SGIP1: variants seen among roughly 807,000 people sequenced by gnomAD.
SGIP1 encodes SH3GL interacting endocytic adaptor 1.
SGIP1 carries 38 observed loss-of-function variants against 107.5 expected under a neutral mutation model. That is an observed-to-expected ratio of 0.35 (90% confidence interval 0.27 to 0.46). The LOEUF (loss-of-function observed/expected upper bound fraction) is 0.46. Ranked by LOEUF, SGIP1 falls within the 20% of genes least tolerant of loss-of-function variation. The pLI, the probability that SGIP1 is intolerant of heterozygous loss-of-function variation, is 1.00. For missense variants in SGIP1, 929 were observed against 1,019.5 expected, an observed-to-expected ratio of 0.91 and a Z score of 1.21; for synonymous variants, 365 against 366.1, an observed-to-expected ratio of 1.00 and a Z score of 0.03.
At chr1:66,588,535 A>G (rs2063015051) in intron 1 of SGIP1, among the ~76,000 whole-genome samples, 1 of 152,104 alleles carries the variant, frequency 6.6e-6, no homozygotes, top group South Asian at 2.1e-4. Flanking sequence ...TCAGTCTAAT[A>G]TAGTCAGTCT....
chr1:66,643,464 C>T lies in SGIP1; in HGVS notation c.284-80C>T, dbSNP rs558885542. The stretch of plus-strand genomic sequence containing the variant: ...TGCCATCTAAGGATACTTTTGCTGT[C>T]TCTATATGCAATTGCTCTTGTCTTG... On this transcript the variant is annotated intron_variant, in intron 6 of 24. Transcript: ENST00000371037. 7 of 1,186,484 alleles carry T rather than the reference C, an allele frequency of 5.9e-6. No homozygotes were observed. The South Asian group carries it at 7.0e-5, about 12-fold the overall frequency. 73.5% of individuals were successfully genotyped at this position (1,186,484 alleles called of 1,614,324 possible). A position where few individuals can be genotyped will look rare whatever the true frequency, so the allele number is the denominator to read the frequency against.
At chr1:66,728,049 A>T (rs996957901) in intron 19 of SGIP1, among the ~76,000 whole-genome samples, 1 of 151,892 alleles carries the variant, frequency 6.6e-6, no homozygotes, top group Non-Finnish European at 1.5e-5. Flanking sequence ...GCCTTTTTTA[A>T]AAAAAAAGAA....
At chr1:66,670,093 T>G (rs1014481552) in intron 9 of SGIP1, among the ~76,000 whole-genome samples, 4 of 152,186 alleles carry the variant, frequency 2.6e-5, no homozygotes, top group African/African-American at 9.7e-5. Context: ...TTCCCTGTCC[T>G]CAACTCTGCC....
At chr1:66,566,477 A>G (rs1038497989) in intron 1 of SGIP1, among the ~76,000 whole-genome samples, 3 of 151,980 alleles carry the variant, frequency 2.0e-5, no homozygotes, top group African/African-American at 7.2e-5. Flanking sequence ...TTTTTGAGTA[A>G]TGAATATTAA....
At chr1:66,572,333 C>T (rs934729069) in intron 1 of SGIP1, among the ~76,000 whole-genome samples, 2 of 152,022 alleles carry the variant, frequency 1.3e-5, no homozygotes, top group South Asian at 4.1e-4. Context: ...AACAAATGGA[C>T]TCTGTCATTA....
intron 8 of SGIP1, among the ~76,000 whole-genome samples, chr1:66,663,296 T>C (rs1412076657): frequency 6.6e-6 from 1 of 152,034 alleles, no homozygotes; most frequent in African/African-American, 2.4e-5. Context: ...GCTTATAGAA[T>C]ATATCAAGAC....
chr1:66,635,822 T>A (rs1381057128), intron 3 of SGIP1, 122 bp from the exon 4 acceptor site: 9 of 952,902 alleles, frequency 9.4e-6, no homozygotes, highest in Non-Finnish European at 1.4e-5. Context: ...GCCGTATGAT[T>A]TGGCCTAGAG....
chr1:66,632,473 C>A (rs976643459), intron 2 of SGIP1, among the ~76,000 whole-genome samples: 1 of 152,046 alleles, frequency 6.6e-6, no homozygotes, highest in Non-Finnish European at 1.5e-5. Context: ...CAGGACCATT[C>A]GCAGAAGAAA....
chr1:66,667,456 T>C (rs1302621365), intron 8 of SGIP1, 74 bp from the exon 9 acceptor site: 1 of 1,406,072 alleles, frequency 7.1e-7, no homozygotes, highest in South Asian at 1.2e-5. Flanking sequence ...AAGTCTTCTG[T>C]TACCCAAGAC....
chr1:66,659,116 T>C (rs1417383748), intron 7 of SGIP1, among the ~76,000 whole-genome samples: 2 of 152,174 alleles, frequency 1.3e-5, no homozygotes, highest in Non-Finnish European at 2.9e-5. Context: ...GTTGGCATTC[T>C]ATTTTCCGGA....
intron 18 of SGIP1, among the ~76,000 whole-genome samples, chr1:66,710,101 C>A (rs1424201842): frequency 6.6e-6 from 1 of 151,908 alleles, no homozygotes; most frequent in African/African-American, 2.4e-5. Context: ...ATTTTGACTT[C>A]TTTTCTCCCA....
At chr1:66,627,800 C>A (rs905114491) in intron 2 of SGIP1, among the ~76,000 whole-genome samples, 2 of 152,092 alleles carry the variant, frequency 1.3e-5, no homozygotes, top group African/African-American at 4.8e-5. Context: ...GCACAACGTG[C>A]AGGTTTGTTA....
intron 16 of SGIP1, 70 bp downstream of exon 16, chr1:66,689,345 A>G: frequency 6.4e-7 from 1 of 1,559,286 alleles, no homozygotes; most frequent in Non-Finnish European, 8.7e-7. Flanking sequence ...AAATGCCTTC[A>G]GGTCTAAGCG....
intron 1 of SGIP1, among the ~76,000 whole-genome samples, chr1:66,551,634 C>A (rs983087372): frequency 1.3e-5 from 2 of 152,108 alleles, no homozygotes; most frequent in Non-Finnish European, 2.9e-5. Context: ...ACATGCCAAT[C>A]CTCTCCAAGT....
intron 18 of SGIP1, among the ~76,000 whole-genome samples, chr1:66,698,767 G>T (rs1398525985): frequency 1.3e-5 from 2 of 152,018 alleles, no homozygotes; most frequent in East Asian, 3.8e-4. Context: ...ATATTTTCAT[G>T]ACAAATATTA....
chr1:66,707,758 G>A (rs894404551), intron 18 of SGIP1, among the ~76,000 whole-genome samples: 4 of 152,010 alleles, frequency 2.6e-5, no homozygotes, highest in African/African-American at 9.7e-5. Context: ...CACATCTTTG[G>A]CCCTTTTAAG....
chr1:66,701,150 T>C (rs1181411468), intron 18 of SGIP1, among the ~76,000 whole-genome samples: 1 of 152,160 alleles, frequency 6.6e-6, no homozygotes, highest in African/African-American at 2.4e-5. Context: ...AAGTAAGAAA[T>C]GAACTGGTCA....
At chr1:66,691,855 T>G (rs2089924037) in intron 17 of SGIP1, among the ~76,000 whole-genome samples, 2 of 152,044 alleles carry the variant, frequency 1.3e-5, no homozygotes, top group Admixed American at 1.3e-4. Flanking sequence ...ATAGAGAAAA[T>G]AGCACACACA....
At chr1:66,703,131 A>G (rs930931744) in intron 18 of SGIP1, among the ~76,000 whole-genome samples, 6 of 152,216 alleles carry the variant, frequency 3.9e-5, no homozygotes, top group Non-Finnish European at 8.8e-5. Flanking sequence ...GTGCTTCACA[A>G]CCAGTCCATG....
Sources: gnomAD v4.1 joint callset for allele counts (sites outside exome capture counted in the v4.1 genomes callset) on GRCh38, gnomAD v4.1.1 for gene constraint, MANE v1.5 for transcripts, NCBI Gene and HGNC (gene_info 2026-07-23, HGNC 2026-07-21) for gene names.